The following GRM8 variants were observed in gnomAD, a reference collection of about 807,000 sequenced individuals.
GRM8 encodes the protein metabotropic glutamate receptor 8.
In GRM8, 47 loss-of-function variants were observed where a neutral mutation model predicts 87.2. The observed-to-expected ratio is 0.54, with a 90% CI of 0.43 to 0.69. GRM8 has a LOEUF of 0.69. Ranked by LOEUF, GRM8 falls within the 30% of genes least tolerant of loss-of-function variation. GRM8 has a pLI of 0.00. For synonymous variants in GRM8, 396 were observed against 404.5 expected (o/e 0.98, Z 0.25); for missense variants, 1,019 against 1,139.2 (o/e 0.89, Z 1.52).
At chr7:126,677,873 T>G (rs1807150381) in intron 7 of GRM8, among the ~76,000 whole-genome samples, 1 of 152,188 alleles carries the variant, frequency 6.6e-6, no homozygotes, top group Non-Finnish European at 1.5e-5. Context: ...AACTAACTGT[T>G]CACCAAGCTC....
intron 3 of GRM8, among the ~76,000 whole-genome samples, chr7:126,967,638 T>G (rs895664065): frequency 6.6e-6 from 1 of 152,144 alleles, no homozygotes; most frequent in African/African-American, 2.4e-5. Flanking sequence ...TCTCTTCCAT[T>G]TGCCCCCAAA....
intron 9 of GRM8, among the ~76,000 whole-genome samples, chr7:126,507,490 T>G (rs1173369953): frequency 6.6e-6 from 1 of 152,098 alleles, no homozygotes; most frequent in African/African-American, 2.4e-5. Flanking sequence ...TACAATCAAT[T>G]AGAGTTTGTT....
chr7:126,631,330 G>A (rs948020118), intron 7 of GRM8, among the ~76,000 whole-genome samples: 2 of 152,104 alleles, frequency 1.3e-5, no homozygotes, highest in African/African-American at 4.8e-5. Context: ...AACAAGGGAA[G>A]TGAAGGACCT....
rs192198568 is a variant in GRM8, at chr7:126,681,683, G to A, written c.1358-72185C>T. 1.6e-3 allele frequency among the ~76,000 whole-genome samples: 250 copies of A among 152,250 alleles called. 1 individual carries two copies. Among genetic ancestry groups the A allele is most frequent in the African/African-American group, 5.8e-3 (242 of 41,530 alleles). ...CACAGACTTCCAGGCATCACACTGA[G>A]GTGTATTTACTTTCAATTGCTAGAT... On this transcript the variant is annotated intron_variant, in intron 7 of 10. Coordinates refer to ENST00000339582, the MANE Select transcript of GRM8 (RefSeq NM_000845.3).
intron 7 of GRM8, among the ~76,000 whole-genome samples, chr7:126,747,744 C>T (rs1204046402): frequency 6.6e-6 from 1 of 151,866 alleles, no homozygotes; most frequent in East Asian, 1.9e-4. Flanking sequence ...ACTATGGATA[C>T]TTTTTCTTTC....
At chr7:127,203,309 C>A (rs1795713659) in intron 2 of GRM8, among the ~76,000 whole-genome samples, 1 of 152,150 alleles carries the variant, frequency 6.6e-6, no homozygotes, top group Non-Finnish European at 1.5e-5. Flanking sequence ...GAAAAACTAC[C>A]TATTGGCTGC....
chr7:126,871,628 T>C (rs1204525), intron 6 of GRM8, among the ~76,000 whole-genome samples: 31,572 of 152,080 alleles, frequency 0.21, 3,698 homozygotes, highest in East Asian at 0.5. Context: ...GTGCATTTTA[T>C]TTTACTTTGT....
At chr7:126,741,740 C>T (rs1264598960) in intron 7 of GRM8, among the ~76,000 whole-genome samples, 1 of 152,042 alleles carries the variant, frequency 6.6e-6, no homozygotes, top group Admixed American at 6.6e-5. Context: ...GCCTTCGTTT[C>T]CTTCTTTGTA....
At chr7:126,446,053 G>C (rs776551261) in intron 10 of GRM8, 73 bp downstream of exon 10, 1 of 1,566,236 alleles carries the variant, frequency 6.4e-7, no homozygotes, top group African/African-American at 1.4e-5. Flanking sequence ...AAGACTAGGA[G>C]AAGAATGTTC....
chr7:126,689,874 T>C (rs886435707), intron 7 of GRM8, among the ~76,000 whole-genome samples: 7 of 152,374 alleles, frequency 4.6e-5, no homozygotes, highest in Admixed American at 4.6e-4. Flanking sequence ...TATATGTTTC[T>C]ATTACAGTAG....
intron 2 of GRM8, among the ~76,000 whole-genome samples, chr7:127,205,409 C>T (rs1312260179): frequency 6.6e-6 from 1 of 152,164 alleles, no homozygotes; most frequent in Admixed American, 6.5e-5. Flanking sequence ...TCTTTGAAGC[C>T]TTCCCCAGCC....
chr7:126,711,858 T>A (rs968718949), intron 7 of GRM8, among the ~76,000 whole-genome samples: 1 of 152,208 alleles, frequency 6.6e-6, no homozygotes, highest in African/African-American at 2.4e-5. Context: ...TCAGCCTTCA[T>A]AGAATTGAAG....
intron 3 of GRM8, among the ~76,000 whole-genome samples, chr7:126,916,793 G>A (rs893130958): frequency 1.3e-5 from 2 of 152,154 alleles, no homozygotes; most frequent in African/African-American, 4.8e-5. Flanking sequence ...AATGACCATG[G>A]TACGGCAGTA....
At chr7:126,496,492 A>G (rs900080341) in intron 9 of GRM8, among the ~76,000 whole-genome samples, 4 of 152,000 alleles carry the variant, frequency 2.6e-5, no homozygotes, top group African/African-American at 9.7e-5. Context: ...TTTGAGCCAA[A>G]GGTTTCAATA....
chr7:126,499,370 T>A (rs536110981), intron 9 of GRM8, among the ~76,000 whole-genome samples: 13 of 150,518 alleles, frequency 8.6e-5, no homozygotes, highest in African/African-American at 3.2e-4. Context: ...GGTGATATTG[T>A]AAATTAGTAA....
chr7:126,569,037 T>C (rs750143054), intron 8 of GRM8, among the ~76,000 whole-genome samples: 6 of 152,158 alleles, frequency 3.9e-5, no homozygotes, highest in Non-Finnish European at 8.8e-5. Flanking sequence ...ACAGCAGTGA[T>C]TCAGCCCCAT....
chr7:126,974,133 G>A (rs570001327), intron 3 of GRM8, among the ~76,000 whole-genome samples: 18 of 152,170 alleles, frequency 1.2e-4, no homozygotes, highest in South Asian at 8.3e-4. Context: ...ATATGTATAC[G>A]GTGTAATAAA....
At chr7:127,024,980 T>C (rs1191732645) in intron 3 of GRM8, among the ~76,000 whole-genome samples, 1 of 152,080 alleles carries the variant, frequency 6.6e-6, no homozygotes, top group African/African-American at 2.4e-5. Context: ...AATAATTTTA[T>C]GGAAAAATCT....
chr7:126,826,880 T>C (rs1384317604), intron 6 of GRM8, among the ~76,000 whole-genome samples: 1 of 152,220 alleles, frequency 6.6e-6, no homozygotes, highest in Admixed American at 6.5e-5. Flanking sequence ...ATTAATTGAA[T>C]TAATTTTTGC....
Sources: allele counts gnomAD v4.1 joint callset (sites outside exome capture counted in the v4.1 genomes callset), GRCh38; gene constraint gnomAD v4.1.1; transcripts MANE v1.5; gene names NCBI Gene and HGNC (gene_info 2026-07-23, HGNC 2026-07-21).